The following PCED1A variants were observed in gnomAD, a reference collection of about 807,000 sequenced individuals.
The protein encoded by PCED1A is PC-esterase domain-containing protein 1A.
In PCED1A, 20 loss-of-function variants were observed where a neutral mutation model predicts 41.9. The ratio of observed to expected loss-of-function variants is 0.48; its 90% confidence interval spans 0.34 to 0.69. PCED1A has a LOEUF of 0.69. PCED1A is among the 30% of genes least tolerant of loss of function. The pLI is 0.01. For synonymous variants in PCED1A, 236 were observed against 241.3 expected, an observed-to-expected ratio of 0.98 and a Z score of 0.20; for missense variants, 498 against 602.1, an observed-to-expected ratio of 0.83 and a Z score of 1.81.
rs950692951 is a variant in PCED1A at position 2,835,583 on chromosome 20, G to A, written c.1244C>T (p.Pro415Leu). The A allele has an allele frequency of 4.0e-5, 65 of 1,614,190 alleles. No individual in the cohort carries two copies. Among genetic ancestry groups the A allele is most frequent in the Non-Finnish European group, 5.3e-5 (63 of 1,180,012 alleles). ...RGMPRYVPNS[P>L]YHVRRMGGPC... ...CCCCCCCATTCTCCGCACATGGTAG[G>A]GGCTGTTAGGAACATAGCGTGGCAT... is the stretch of plus-strand genomic sequence containing the variant. The change falls in exon 8 of 8, where the codon CCC (proline) becomes CTC (leucine). Residue 415 changes from proline to leucine, a missense_variant. By Grantham distance (98) the Pro-to-Leu change is moderately conservative. Around this residue, in one of 2 missense-constraint regions of PCED1A, gnomAD observed 245 missense variants for 232.4 expected, o/e 1.05. Coordinates refer to ENST00000360652, the MANE Select transcript of PCED1A (RefSeq NM_022760.6).
chr20:2,840,885 G>C, upstream of PCED1A: 1 of 1,503,504 alleles, frequency 6.7e-7, no homozygotes, highest in African/African-American at 1.4e-5. Context: ...CCGCCGGCTG[G>C]AGTCTCCCGG....
chr20:2,838,398 G>A lies in PCED1A; in HGVS notation c.675C>T (p.Cys225=). The A allele has an allele frequency of 6.2e-7, 1 of 1,614,248 alleles. No individual in the cohort carries two copies. The highest frequency in any genetic ancestry group is 1.1e-5 in the South Asian group (1 of 91,084). The change falls in exon 6 of 8, where the codon TGC becomes TGT. Residue 225 remains cysteine, a synonymous_variant. Coordinates refer to ENST00000360652, the MANE Select transcript of PCED1A (RefSeq NM_022760.6). The surrounding 1 kb of genome is among the most constrained non-coding windows in gnomAD (Gnocchi z 5.8). ...FYSATLAGDH[C]FDVLDLHFHF... The stretch of plus-strand genomic sequence containing the variant: ...GAAAGTGGAGGTCTAGGACATCAAA[G>A]CAGTGGTCCCCGGCCAGCGTAGCAC...
In PCED1A at chr20:2,838,598, C is replaced by G. The variant is rs2088879316; in HGVS notation, c.592G>C (p.Glu198Gln). ...ERITGGFLLP[E>Q]LQPLAGSLRR... ...CCTGATGGGCCTCAGTCACTTGCCT[C>G]TGGCAGGAGGAAACCCCCAGTGATA... The change falls in exon 5 of 8, where the codon GAG becomes CAG. Residue 198 changes from glutamate (E) to glutamine (Q), a missense_variant and splice_region_variant. Physicochemically the swap from Glu to Gln is conservative, Grantham distance 29. This residue lies in a region of PCED1A where 253 missense variants were observed against 369.7 expected (regional missense o/e 0.68). Coordinates refer to ENST00000360652, the MANE Select transcript of PCED1A (RefSeq NM_022760.6). The surrounding 1 kb of genome is among the most constrained non-coding windows in gnomAD (Gnocchi z 5.8). 1.9e-6 allele frequency: 3 copies of G among 1,614,216 alleles called. No homozygotes were observed. The highest frequency in any genetic ancestry group is 2.7e-5 in the African/African-American group (2 of 75,062).
Position 2,835,534 on chromosome 20 carries a change from GTGTC to G in PCED1A, c.1289_1292del (p.Arg430ThrfsTer5), listed in dbSNP as rs748309634. ...TGTATGTGTGGATCAGTCTCTCTGA[GTGTC>G]TGAGCCGCTGCCTGCAGGGCCCCCC... On this transcript the variant is annotated frameshift_variant, in exon 8 of 8. Coordinates refer to ENST00000360652, the MANE Select transcript of PCED1A (RefSeq NM_022760.6). LOFTEE classifies it high-confidence loss of function. The G allele has an allele frequency of 6.2e-7, 1 of 1,614,138 alleles. No homozygotes were observed. The highest frequency in any genetic ancestry group is 2.2e-5 in the East Asian group (1 of 44,868).
chr20:2,835,475 G>A lies in PCED1A; in HGVS notation c.1352C>T (p.Thr451Ile). Residue 451 changes from threonine to isoleucine, a missense_variant, in exon 8 of 8, where the codon ACA becomes ATA. Physicochemically the swap from Thr to Ile is moderately conservative, Grantham distance 89. Coordinates refer to ENST00000360652, the MANE Select transcript of PCED1A (RefSeq NM_022760.6). ...LDRRPPAHSG[T>I]WPG is the part of the protein sequence containing the mutation. ...CCAAGATCCAGTCTACCCAGGCCAT[G>A]TCCCCGAATGGGCAGGAGGCCGTCT... is the stretch of plus-strand genomic sequence containing the variant. 6.2e-7 allele frequency: 1 copy of A among 1,610,418 alleles called. No individual in the cohort carries two copies. The highest frequency in any genetic ancestry group is 8.5e-7 in the Non-Finnish European group (1 of 1,177,308).
upstream of PCED1A, chr20:2,840,835 GCCC>G: frequency 2.0e-6 from 3 of 1,524,196 alleles, no homozygotes; most frequent in Admixed American, 2.0e-5. Flanking sequence ...CCGGTGAGCT[GCCC>G]CGCCCTCCCG....
Position 2,838,176 on chromosome 20 carries a change from CCT to C in PCED1A, c.841+54_841+55del. 6.2e-7 allele frequency: 1 copy of C among 1,610,576 alleles called. No homozygotes were observed. The highest frequency in any genetic ancestry group is 8.5e-7 in the Non-Finnish European group (1 of 1,178,888). ...GCTGTGTCCCATTCTGTTTCTGAGC[CCT>C]GTCCTCTGAGGGCCCCAGTGCATCA... On this transcript the variant is annotated intron_variant, in intron 6 of 7. Transcript: ENST00000360652. The surrounding 1 kb of genome is among the most constrained non-coding windows in gnomAD (Gnocchi z 5.8).
upstream of PCED1A, chr20:2,841,005 C>A (rs2088964580): frequency 6.5e-6 from 4 of 613,994 alleles, no homozygotes; most frequent in Non-Finnish European, 1.1e-5. Context: ...CGGGCCTTCC[C>A]CTGCTCCAGA....
intron 6 of PCED1A, among the ~76,000 whole-genome samples, chr20:2,837,318 C>T (rs989556663): frequency 6.6e-6 from 1 of 152,194 alleles, no homozygotes; most frequent in Non-Finnish European, 1.5e-5. Flanking sequence ...TCTGTGCCCC[C>T]ACATCCTCTT....
chr20:2,838,879 C>T lies in PCED1A; in HGVS notation c.408G>A (p.Leu136=). The T allele has an allele frequency of 6.2e-7, 1 of 1,614,148 alleles. No individual in the cohort carries two copies. The highest frequency in any genetic ancestry group is 2.2e-5 in the East Asian group (1 of 44,886). The change falls in exon 4 of 8, where the codon CTG becomes CTA. Residue 136 remains leucine, a synonymous_variant. Coordinates refer to ENST00000360652, the MANE Select transcript of PCED1A (RefSeq NM_022760.6). This position sits in a 1 kb window ranked among gnomAD's most constrained non-coding sequence, Gnocchi z 5.8. ...CCCAGAGGCAGGAGTTGATGATCAC[C>T]AGGTCCGGGGCAGGTCCATATGTCA... is the stretch of plus-strand genomic sequence containing the variant. The part of the protein sequence containing the change: ...EELTYGPAPD[L]VIINSCLWDL...
At chr20:2,839,297 C>T in intron 2 of PCED1A, 26 bp from the exon 3 acceptor site, 3 of 1,609,780 alleles carry the variant, frequency 1.9e-6, no homozygotes, top group Non-Finnish European at 8.5e-7. Context: ...GATCCCAAGG[C>T]TGAGGCAGAC....
intron 1 of PCED1A, 120 bp downstream of exon 1, chr20:2,840,091 G>A (rs982661065): frequency 1.3e-5 from 9 of 714,768 alleles, no homozygotes; most frequent in African/African-American, 1.1e-4. Context: ...CCAGAGGCAG[G>A]GGGTCGTCCA....
chr20:2,835,948 A>C (rs2088821275), intron 7 of PCED1A, 91 bp downstream of exon 7: 2 of 1,448,452 alleles, frequency 1.4e-6, no homozygotes, highest in Non-Finnish European at 1.8e-6. Flanking sequence ...TAGGGGCACA[A>C]GGAGCTACCC....
At chr20:2,840,931 C>A, upstream of PCED1A, 2 of 1,131,894 alleles carry the variant, frequency 1.8e-6, no homozygotes, top group Non-Finnish European at 2.5e-6. Context: ...CGCTGGGGTC[C>A]GCCCCGCGCC....
At position 2,838,566 on chromosome 20, in the gene PCED1A, C is replaced by T. The variant is rs769701416; in HGVS notation, c.594+30G>A. The T allele has an allele frequency of 1.2e-6, 2 of 1,614,188 alleles. 1 individual carries two copies. The highest frequency in any genetic ancestry group is 2.2e-5 in the South Asian group (2 of 91,086). ...CCTATCTACCAGTCTGCTATCCCATCTCTTGTCCTGATGGGCCTCAGTCAC... is the reference window on the plus strand; with the variant it reads ...CCTATCTACCAGTCTGCTATCCCATTTCTTGTCCTGATGGGCCTCAGTCAC... On this transcript the variant is annotated intron_variant, in intron 5 of 7. Coordinates refer to ENST00000360652, the MANE Select transcript of PCED1A (RefSeq NM_022760.6). The surrounding 1 kb of genome is among the most constrained non-coding windows in gnomAD (Gnocchi z 5.8).
chr20:2,835,379 G>T lies in PCED1A; in HGVS notation c.*83C>A. On this transcript the variant is annotated 3_prime_UTR_variant, in exon 8 of 8. Transcript: ENST00000360652. ...ATGGACAAGAACAATACCAGGCATAGCAGACACCCTAGCCCAGTACCTGAG... is the reference window on the plus strand; with the variant it reads ...ATGGACAAGAACAATACCAGGCATATCAGACACCCTAGCCCAGTACCTGAG... 1 of 1,483,480 alleles carries T rather than the reference G, an allele frequency of 6.7e-7. No individual in the cohort carries two copies. Among genetic ancestry groups the T allele is most frequent in the Non-Finnish European group, 9.0e-7 (1 of 1,106,606 alleles). 91.9% of individuals were successfully genotyped at this position (1,483,480 alleles called of 1,614,324 possible).
Position 2,838,675 on chromosome 20 carries a change from A to T in PCED1A, c.515T>A (p.Leu172Ter). 2 of 1,614,198 alleles carry T rather than the reference A, an allele frequency of 1.2e-6. No individual in the cohort carries two copies. Among genetic ancestry groups the T allele is most frequent in the Non-Finnish European group, 1.7e-6 (2 of 1,180,034 alleles). The change falls in exon 5 of 8, where the codon TTG (leucine) becomes TAG (stop). Residue 172 changes from leucine (L) to a stop codon, truncating the protein, a stop_gained. Transcript: ENST00000360652. LOFTEE classifies it high-confidence loss of function. The surrounding 1 kb of genome is among the most constrained non-coding windows in gnomAD (Gnocchi z 5.8). The stretch of plus-strand genomic sequence containing the variant: ...CCACACCAGCAGGCAGGAGTCTGGC[A>T]ATACTTGGTCCATGCGCACAAACAC... ...ERVFVRMDQVLPDSCLLVWNM... is the reference protein window; with the variant it reads ...ERVFVRMDQV
At chr20:2,839,650 G>T (rs1396250343) in intron 2 of PCED1A, 139 bp downstream of exon 2, 3 of 1,242,310 alleles carry the variant, frequency 2.4e-6, no homozygotes, top group Non-Finnish European at 2.2e-6. Flanking sequence ...AGATGTGTGG[G>T]ACATAAAAAG....
At chr20:2,840,986 G>C, upstream of PCED1A, 1 of 685,630 alleles carries the variant, frequency 1.5e-6, no homozygotes, top group South Asian at 1.9e-5. Flanking sequence ...CCGCCTTTGG[G>C]CAGGGAGCCG....
Sources: allele counts gnomAD v4.1 joint callset (sites outside exome capture counted in the v4.1 genomes callset), GRCh38; gene constraint gnomAD v4.1.1; regional missense constraint gnomAD v4.1.1; non-coding constraint Gnocchi (gnomAD v3.1); transcripts MANE v1.5; gene names NCBI Gene and HGNC (gene_info 2026-07-23, HGNC 2026-07-21).